OLA1: variants seen among roughly 807,000 people sequenced by gnomAD.
OLA1 encodes the protein obg-like ATPase 1.
In OLA1, 14 loss-of-function variants were observed where a neutral mutation model predicts 48.4. The ratio of observed to expected loss-of-function variants is 0.29; its 90% CI spans 0.19 to 0.45. The LOEUF is 0.45. Among genes scored for constraint, OLA1 ranks in the 20% least tolerant of loss-of-function variants. The probability of loss-of-function intolerance (pLI) is 1.00; values close to 1 mark genes in which losing one functional copy is unlikely to be tolerated. For missense variants in OLA1, 325 were observed against 467.1 expected, an observed-to-expected ratio of 0.70 and a Z score of 2.80; for synonymous variants, 127 against 150.4, an observed-to-expected ratio of 0.84 and a Z score of 1.14.
chr2:174,086,688 G>C (rs1684985204), intron 7 of OLA1, among the ~76,000 whole-genome samples: 1 of 152,190 alleles, frequency 6.6e-6, no homozygotes, highest in Admixed American at 6.5e-5. Flanking sequence ...TGACTAATGG[G>C]CAGGTCGCAT....
chr2:174,165,102 C>T (rs1687130330), intron 4 of OLA1, among the ~76,000 whole-genome samples: 1 of 152,172 alleles, frequency 6.6e-6, no homozygotes, highest in Admixed American at 6.5e-5. Flanking sequence ...TGTATCTTAT[C>T]TTCTCAGTAA....
intron 7 of OLA1, among the ~76,000 whole-genome samples, chr2:174,096,124 T>G (rs542477529): frequency 6.6e-6 from 1 of 152,176 alleles, no homozygotes; most frequent in African/African-American, 2.4e-5. Context: ...AATGAGGTAC[T>G]GATACACACT....
chr2:174,144,894 C>G (rs1686542930), intron 4 of OLA1, among the ~76,000 whole-genome samples: 1 of 128,594 alleles, frequency 7.8e-6, no homozygotes, highest in Non-Finnish European at 1.5e-5. Context: ...CTGCAGTGAG[C>G]TGTGATCACG....
chr2:174,214,438 G>T (rs1410283264), intron 4 of OLA1, among the ~76,000 whole-genome samples: 1 of 152,154 alleles, frequency 6.6e-6, no homozygotes, highest in African/African-American at 2.4e-5. Flanking sequence ...AGGCCTCTTG[G>T]TTGCCCTAGG....
intron 4 of OLA1, among the ~76,000 whole-genome samples, chr2:174,169,331 T>G (rs538781459): frequency 3.9e-5 from 6 of 152,176 alleles, no homozygotes; most frequent in Non-Finnish European, 5.9e-5. Flanking sequence ...AATAAAAATT[T>G]ACACAATTTA....
chr2:174,200,224 TAA>T (rs1490820547), intron 4 of OLA1, among the ~76,000 whole-genome samples: 1 of 152,182 alleles, frequency 6.6e-6, no homozygotes, highest in Non-Finnish European at 1.5e-5. Context: ...TTAATAATTT[TAA>T]AAGTTTTAGA....
chr2:174,141,411 ATCTG>A (rs1686442792), intron 5 of OLA1, among the ~76,000 whole-genome samples: 2 of 152,232 alleles, frequency 1.3e-5, no homozygotes, highest in African/African-American at 4.8e-5. Flanking sequence ...TATTAAAATG[ATCTG>A]TCTACTTTAA....
At chr2:174,090,134 T>C (rs1685080993) in intron 7 of OLA1, among the ~76,000 whole-genome samples, 2 of 152,176 alleles carry the variant, frequency 1.3e-5, no homozygotes, top group South Asian at 4.1e-4. Flanking sequence ...CCATTCATTT[T>C]AGTGACTATA....
intron 4 of OLA1, among the ~76,000 whole-genome samples, chr2:174,185,512 G>A (rs1244704436): frequency 6.6e-6 from 1 of 151,966 alleles, no homozygotes; most frequent in Admixed American, 6.6e-5. Context: ...TTTCCTATGA[G>A]CATTTTTTTT....
intron 7 of OLA1, among the ~76,000 whole-genome samples, chr2:174,108,981 A>G (rs1329833321): frequency 1.3e-5 from 2 of 152,304 alleles, no homozygotes; most frequent in East Asian, 3.9e-4. Flanking sequence ...CGTGTTTGTC[A>G]AAACTTTGTA....
At chr2:174,103,193 CATGTGT>C (rs565048796) in intron 7 of OLA1, among the ~76,000 whole-genome samples, 2,093 of 101,256 alleles carry the variant, frequency 0.021, 55 homozygotes, top group African/African-American at 0.068. Context: ...ACATGTGTAT[CATGTGT>C]ATTTGGCTAA....
intron 7 of OLA1, among the ~76,000 whole-genome samples, chr2:174,109,869 A>G (rs1392228977): frequency 6.6e-6 from 1 of 152,180 alleles, no homozygotes; most frequent in Non-Finnish European, 1.5e-5. Flanking sequence ...TCGTTACATG[A>G]ACACATCACA....
chr2:174,185,301 A>G (rs1221068032), intron 4 of OLA1, among the ~76,000 whole-genome samples: 1 of 152,222 alleles, frequency 6.6e-6, no homozygotes, highest in Non-Finnish European at 1.5e-5. Context: ...CATATTCTCA[A>G]GGTTAACTGG....
intron 3 of OLA1, among the ~76,000 whole-genome samples, chr2:174,224,967 A>T (rs1688583820): frequency 6.6e-6 from 1 of 152,312 alleles, no homozygotes; most frequent in East Asian, 1.9e-4. Flanking sequence ...AACCACTCAT[A>T]TGATAAATAT....
intron 7 of OLA1, among the ~76,000 whole-genome samples, chr2:174,101,009 G>C (rs1006084788): frequency 6.6e-6 from 1 of 152,168 alleles, no homozygotes; most frequent in South Asian, 2.1e-4. Context: ...TATAAGATAT[G>C]AACATGTTTC....
At chr2:174,206,656 G>A (rs1253975955) in intron 4 of OLA1, among the ~76,000 whole-genome samples, 9 of 152,052 alleles carry the variant, frequency 5.9e-5, no homozygotes, top group African/African-American at 2.2e-4. Flanking sequence ...ATTGTAAATA[G>A]CCAGTAGATT....
intron 7 of OLA1, among the ~76,000 whole-genome samples, chr2:174,117,714 C>T (rs1685815793): frequency 6.6e-6 from 1 of 152,160 alleles, no homozygotes; most frequent in Non-Finnish European, 1.5e-5. Flanking sequence ...AAAACACTGA[C>T]ATTGTTCACC....
chr2:174,242,426 C>T (rs1689024591), intron 2 of OLA1, among the ~76,000 whole-genome samples: 1 of 152,190 alleles, frequency 6.6e-6, no homozygotes, highest in East Asian at 1.9e-4. Context: ...GCCTGCTGCT[C>T]GCCTCCTGCC....
At position 174,173,597 on chromosome 2, in the gene OLA1, A is replaced by G. The variant is rs112468409; in HGVS notation, c.374-31597T>C. ...CAAAAAACTGCAAGCACCTGTTAAA[A>G]AAGGTCTTAAATAATTTGAAAATAC... is the stretch of plus-strand genomic sequence containing the variant. On this transcript the variant is annotated intron_variant, in intron 4 of 10. Transcript: ENST00000284719. Among the ~76,000 whole-genome samples the G allele has an allele frequency of 8.7e-3, 1,323 of 152,240 alleles. 8 individuals are homozygous for G. Among genetic ancestry groups the G allele is most frequent in the Non-Finnish European group, 0.014 (972 of 68,004 alleles).
Sources: gnomAD v4.1 joint callset for allele counts (sites outside exome capture counted in the v4.1 genomes callset) on GRCh38, gnomAD v4.1.1 for gene constraint, MANE v1.5 for transcripts, NCBI Gene and HGNC (gene_info 2026-07-23, HGNC 2026-07-21) for gene names.